Variants in LTO1 observed in about 807,000 individuals in gnomAD.
LTO1 encodes the protein LTO1 maturation factor of ABCE1.
LTO1 carries 18 observed loss-of-function variants against 19.8 expected under a neutral mutation model. The ratio of observed to expected loss-of-function variants is 0.91; its 90% confidence interval spans 0.63 to 1.35. LTO1 has a LOEUF of 1.35. LTO1 is among the 40% of genes most tolerant of loss of function. The pLI, the probability that LTO1 is intolerant of heterozygous loss-of-function variation, is 0.00. For synonymous variants in LTO1, 59 were observed against 59.6 expected (o/e 0.99, Z 0.05); for missense variants, 175 against 167.9 (o/e 1.04, Z -0.23).
intron 3 of LTO1, among the ~76,000 whole-genome samples, chr11:69,669,774 C>T (rs1273137704): frequency 6.6e-6 from 1 of 152,190 alleles, no homozygotes; most frequent in South Asian, 2.1e-4. Flanking sequence ...GAGGGTTTCA[C>T]CAGACTGCTG....
In LTO1 at chr11:69,669,878, T is replaced by G. The variant is rs796141550; in HGVS notation, c.228-1866A>C. On this transcript the variant is annotated intron_variant, in intron 3 of 4. Transcript: ENST00000279147. ...GGCCTGAGATGCCGCTCTCCGTGGT[T>G]TCTTTGGTGTTACAATGCCCAGCAT... 6.9e-4 allele frequency among the ~76,000 whole-genome samples: 105 copies of G among 152,292 alleles called. 1 individual carries two copies. Among genetic ancestry groups the G allele is most frequent in the African/African-American group, 2.4e-3 (99 of 41,550 alleles).
At chr11:69,674,566 T>G (rs1488839114) in intron 1 of LTO1, 3 of 354,550 alleles carry the variant, frequency 8.5e-6, no homozygotes, top group Non-Finnish European at 1.7e-5. Context: ...AGGGCTGAAG[T>G]AGATAACCAG....
intron 3 of LTO1, among the ~76,000 whole-genome samples, chr11:69,671,051 G>C (rs1336977718): frequency 6.6e-6 from 1 of 151,986 alleles, no homozygotes; most frequent in African/African-American, 2.4e-5. Flanking sequence ...CAGACACATG[G>C]CACCACGCCC....
At chr11:69,668,936 G>A (rs925737843) in intron 3 of LTO1, among the ~76,000 whole-genome samples, 2 of 151,520 alleles carry the variant, frequency 1.3e-5, no homozygotes, top group Non-Finnish European at 2.9e-5. Flanking sequence ...GCTGAGACAG[G>A]AGAATTGCTG....
At chr11:69,675,159 G>A (rs777148972) in intron 1 of LTO1, 31 bp downstream of exon 1, 26 of 1,588,154 alleles carry the variant, frequency 1.6e-5, no homozygotes, top group Middle Eastern at 1.7e-4. Context: ...GACCAGACAG[G>A]GCGGGGTGCG....
In LTO1 at chr11:69,671,753, C is replaced by T. The variant is rs1856112298; in HGVS notation, c.223G>A (p.Asp75Asn). 1.3e-6 allele frequency: 2 copies of T among 1,580,022 alleles called. No individual in the cohort carries two copies. Among genetic ancestry groups the T allele is most frequent in the African/African-American group, 2.7e-5 (2 of 74,282 alleles). Reference protein sequence around the residue: ...CLLHSCTTEKDSRKMKVLESL... With the variant: ...CLLHSCTTEKNSRKMKVLESL... ...GAAAGACATCTCCACCTTTACCTGTCCTTCTCAGTGGTGCAACTGTGCAGT... is the reference window on the plus strand; with the variant it reads ...GAAAGACATCTCCACCTTTACCTGTTCTTCTCAGTGGTGCAACTGTGCAGT... Residue 75 changes from aspartate to asparagine, a missense_variant, in exon 3 of 5, where the codon GAC becomes AAC. By Grantham distance (23) the Asp-to-Asn change is conservative (BLOSUM62 1). Transcript: ENST00000279147.
chr11:69,668,358 G>C (rs959187421), intron 3 of LTO1: 2 of 203,816 alleles, frequency 9.8e-6, no homozygotes, highest in Non-Finnish European at 2.0e-5. Context: ...GGCTGGGCAC[G>C]AGCAGGCCTG....
At position 69,665,735 on chromosome 11, in the gene LTO1, G is replaced by A. The variant is rs1206838325; in HGVS notation, c.*1784C>T. Reference sequence around the variant, plus strand: ...CTGGCCCGAAGGCACCAGCTCTGATGAAGGCACAATGAGGAGATGCCAGCA... The same window carrying A: ...CTGGCCCGAAGGCACCAGCTCTGATAAAGGCACAATGAGGAGATGCCAGCA... On this transcript the variant is annotated 3_prime_UTR_variant, in exon 5 of 5. Transcript: ENST00000279147. The A allele has an allele frequency of 1.3e-5, 2 of 152,218 alleles. No individual in the cohort carries two copies. Among genetic ancestry groups the A allele is most frequent in the Admixed American group, 6.5e-5 (1 of 15,276 alleles). 9.4% of individuals were successfully genotyped at this position (152,218 alleles called of 1,614,324 possible).
At chr11:69,673,105 C>T (rs1554969732) in intron 2 of LTO1, 111 bp downstream of exon 2, 3 of 778,082 alleles carry the variant, frequency 3.9e-6, no homozygotes, top group Non-Finnish European at 2.3e-6. Flanking sequence ...GCCCATCCGG[C>T]ACTGTGATTT....
intron 4 of LTO1, 46 bp from the exon 5 acceptor site, chr11:69,667,633 C>A: frequency 7.5e-7 from 1 of 1,339,274 alleles, no homozygotes. Flanking sequence ...TGCATTTTTA[C>A]TGAAAAATGA....
intron 3 of LTO1, among the ~76,000 whole-genome samples, chr11:69,671,139 T>C (rs905387184): frequency 1.3e-5 from 2 of 152,170 alleles, no homozygotes; most frequent in African/African-American, 4.8e-5. Flanking sequence ...GATCTCGTGA[T>C]CTGCCCGCCT....
In LTO1 at chr11:69,667,469, TCA is replaced by T; in HGVS notation, c.*48_*49del. 1.6e-6 allele frequency: 2 copies of T among 1,217,394 alleles called. No individual in the cohort carries two copies. The highest frequency in any genetic ancestry group is 2.4e-6 in the Non-Finnish European group (2 of 818,680). 75.4% of individuals were successfully genotyped at this position (1,217,394 alleles called of 1,614,324 possible). On this transcript the variant is annotated 3_prime_UTR_variant, in exon 5 of 5. Coordinates refer to ENST00000279147, the MANE Select transcript of LTO1 (RefSeq NM_153451.3). Reference sequence around the variant, plus strand: ...GCCCTTCACCGCATTTCTAAACACGTCACACACACATCTGTTCCTCGACGTTC... The same window carrying T: ...GCCCTTCACCGCATTTCTAAACACGTCACACACATCTGTTCCTCGACGTTC...
rs187991031 is a variant in LTO1 at position 69,668,139 on chromosome 11, A to G, written c.228-127T>C. 2.1e-4 allele frequency: 138 copies of G among 664,702 alleles called. 1 individual carries two copies. The highest frequency in any genetic ancestry group is 1.9e-3 in the African/African-American group (107 of 55,788). The allele number at this position is 664,702 out of a possible 1,614,324, so 41.2% of individuals were successfully genotyped here. A position where few individuals can be genotyped will look rare whatever the true frequency, so the allele number is the denominator to read the frequency against. Reference sequence around the variant, plus strand: ...AAGAATGCCTTCGTTCAAAAGCTGGATGATTATTTTCTCATTACACGAAAT... The same window carrying G: ...AAGAATGCCTTCGTTCAAAAGCTGGGTGATTATTTTCTCATTACACGAAAT... On this transcript the variant is annotated intron_variant, in intron 3 of 4. Coordinates refer to ENST00000279147, the MANE Select transcript of LTO1 (RefSeq NM_153451.3).
Position 69,675,296 on chromosome 11 carries a change from C to T in LTO1, c.-57G>A. On this transcript the variant is annotated 5_prime_UTR_variant, in exon 1 of 5. Transcript: ENST00000279147. The stretch of plus-strand genomic sequence containing the variant: ...TTTCTGCAGCCCCGCGGTGCCGTAG[C>T]AGACCCGGCAGCTTCAGGCACAAAT... 1 of 1,345,950 alleles carries T rather than the reference C, an allele frequency of 7.4e-7. No homozygotes were observed. Among genetic ancestry groups the T allele is most frequent in the Non-Finnish European group, 9.9e-7 (1 of 1,007,262 alleles). 83.4% of individuals were successfully genotyped at this position (1,345,950 alleles called of 1,614,324 possible). A position where few individuals can be genotyped will look rare whatever the true frequency, so the allele number is the denominator to read the frequency against.
intron 1 of LTO1, chr11:69,674,772 G>A (rs1236782453): frequency 2.2e-6 from 1 of 463,454 alleles, no homozygotes; most frequent in Non-Finnish European, 4.3e-6. Flanking sequence ...GGGCTCTGGA[G>A]GGAAAAGGGG....
At chr11:69,668,681 T>G (rs1263575290) in intron 3 of LTO1, among the ~76,000 whole-genome samples, 1 of 151,662 alleles carries the variant, frequency 6.6e-6, no homozygotes, top group Admixed American at 6.6e-5. Flanking sequence ...TTTTGTTTTT[T>G]TTTTTTTAAT....
chr11:69,675,290 C>A lies in LTO1; in HGVS notation c.-51G>T, dbSNP rs1364841049. ...CCCGGGTTTCTGCAGCCCCGCGGTG[C>A]CGTAGCAGACCCGGCAGCTTCAGGC... On this transcript the variant is annotated 5_prime_UTR_variant, in exon 1 of 5. Transcript: ENST00000279147. 1 of 1,383,846 alleles carries A rather than the reference C, an allele frequency of 7.2e-7. No homozygotes were observed. The highest frequency in any genetic ancestry group is 1.5e-5 in the South Asian group (1 of 66,768). 85.7% of individuals were successfully genotyped at this position (1,383,846 alleles called of 1,614,324 possible).
chr11:69,671,538 C>T, intron 3 of LTO1: 2 of 527,322 alleles, frequency 3.8e-6, no homozygotes, highest in Non-Finnish European at 3.4e-6. Flanking sequence ...GCAACAACAG[C>T]CAGTGTTCAC....
intron 2 of LTO1, chr11:69,672,354 C>A (rs953470006): frequency 6.2e-6 from 1 of 161,078 alleles, no homozygotes; most frequent in African/African-American, 2.4e-5. Context: ...GAGTTCCCAA[C>A]CCTCAGAAAC....
Sources: gnomAD v4.1 joint callset for allele counts (sites outside exome capture counted in the v4.1 genomes callset) on GRCh38, gnomAD v4.1.1 for gene constraint, MANE v1.5 for transcripts, NCBI Gene and HGNC (gene_info 2026-07-23, HGNC 2026-07-21) for gene names.